Variants in CLCN3 observed in about 807,000 individuals in gnomAD.
The protein encoded by CLCN3 is H(+)/Cl(-) exchange transporter 3.
Under a neutral mutation model 83.4 loss-of-function variants are expected in CLCN3, and 16 were observed. The observed-to-expected ratio is 0.19, with a 90% CI of 0.13 to 0.29. CLCN3 has a LOEUF of 0.29. Among genes scored for constraint, CLCN3 ranks in the 10% least tolerant of loss-of-function variants. CLCN3 has a pLI of 1.00. For synonymous variants in CLCN3, 322 were observed against 346.2 expected, an observed-to-expected ratio of 0.93 and a Z score of 0.78; for missense variants, 544 against 1,006.0, an observed-to-expected ratio of 0.54 and a Z score of 6.21.
intron 11 of CLCN3, among the ~76,000 whole-genome samples, chr4:169,707,849 T>C (rs1333833209): frequency 6.6e-6 from 1 of 152,236 alleles, no homozygotes; most frequent in Non-Finnish European, 1.5e-5. Flanking sequence ...CAGACTTTCC[T>C]GAAAATACTG....
intron 11 of CLCN3, among the ~76,000 whole-genome samples, chr4:169,709,802 A>G (rs1320067100): frequency 1.3e-5 from 2 of 152,158 alleles, no homozygotes; most frequent in Admixed American, 1.3e-4. Context: ...GAAAATTGTA[A>G]TGTTCCTTAT....
chr4:169,630,294 C>T (rs192049163), intron 1 of CLCN3, among the ~76,000 whole-genome samples: 7 of 152,242 alleles, frequency 4.6e-5, no homozygotes, highest in Admixed American at 3.9e-4. Flanking sequence ...ACATTGCCCG[C>T]GCTGGTAGTC....
rs187893955 is a variant in CLCN3, at chr4:169,690,290, C to T, written c.607-240C>T. Among the ~76,000 whole-genome samples the T allele has an allele frequency of 3.4e-4, 52 of 151,968 alleles. 1 individual carries two copies. The highest frequency in any genetic ancestry group is 2.7e-3 in the Admixed American group (41 of 15,284). On this transcript the variant is annotated intron_variant, in intron 5 of 12. Coordinates refer to ENST00000513761, the MANE Select transcript of CLCN3 (RefSeq NM_001829.4). ...CCTCCCGAGTAGCTGGTATTACAGG[C>T]GTGCGCCACCATGCCCAGCTAATTT...
intron 2 of CLCN3, among the ~76,000 whole-genome samples, chr4:169,672,363 C>A (rs1731501176): frequency 1.3e-5 from 2 of 152,068 alleles, no homozygotes; most frequent in African/African-American, 2.4e-5. Context: ...TAGTCTCAAA[C>A]CCCTGGTCTC....
At chr4:169,645,116 A>G (rs1560833261) in intron 2 of CLCN3, among the ~76,000 whole-genome samples, 1 of 152,246 alleles carries the variant, frequency 6.6e-6, no homozygotes, top group Non-Finnish European at 1.5e-5. Flanking sequence ...GGACACGGAT[A>G]TCTTAGTATT....
chr4:169,681,076 G>T (rs558807576), intron 3 of CLCN3, among the ~76,000 whole-genome samples: 22 of 151,852 alleles, frequency 1.4e-4, no homozygotes, highest in African/African-American at 5.3e-4. Context: ...GGGGACCGTC[G>T]CCCATTCTGT....
intron 2 of CLCN3, chr4:169,660,378 T>C: frequency 1.4e-6 from 2 of 1,414,624 alleles, no homozygotes; most frequent in South Asian, 3.2e-5. Flanking sequence ...TCATGGATGC[T>C]TCTTCCGACC....
chr4:169,680,221 G>A lies in CLCN3; in HGVS notation c.318+14G>A. On this transcript the variant is annotated intron_variant, in intron 3 of 12. Coordinates refer to ENST00000513761, the MANE Select transcript of CLCN3 (RefSeq NM_001829.4). Reference sequence around the variant, plus strand: ...AGGCATAGACGGGTAAGTGTTTTTAGTAAAAATTTTTAAAAACATAGTGCA... The same window carrying A: ...AGGCATAGACGGGTAAGTGTTTTTAATAAAAATTTTTAAAAACATAGTGCA... 1 of 1,592,756 alleles carries A rather than the reference G, an allele frequency of 6.3e-7. No homozygotes were observed. The highest frequency in any genetic ancestry group is 8.6e-7 in the Non-Finnish European group (1 of 1,169,574).
intron 1 of CLCN3, among the ~76,000 whole-genome samples, chr4:169,628,089 A>G (rs1045061286): frequency 1.4e-4 from 21 of 152,216 alleles, no homozygotes; most frequent in African/African-American, 5.1e-4. Context: ...TTAGACATCC[A>G]TACACTGTCC....
intron 2 of CLCN3, among the ~76,000 whole-genome samples, chr4:169,678,914 A>G (rs1158771211): frequency 3.9e-5 from 6 of 152,340 alleles, no homozygotes; most frequent in East Asian, 3.9e-4. Flanking sequence ...CCCGTTCTCA[A>G]TGAGCTGTTG....
intron 9 of CLCN3, among the ~76,000 whole-genome samples, chr4:169,703,457 G>A (rs1282589023): frequency 6.6e-6 from 1 of 152,210 alleles, no homozygotes; most frequent in Non-Finnish European, 1.5e-5. Flanking sequence ...ACATAATCTT[G>A]AAGTAAAAGA....
chr4:169,698,401 GTCTC>G lies in CLCN3; in HGVS notation c.1563+675_1563+678del, dbSNP rs111838822. On this transcript the variant is annotated intron_variant, in intron 9 of 12. Transcript: ENST00000513761. ...TGTGTCTCTTGTGCTCACTCCCGCT[GTCTC>G]TCTCTCTTTCTCTCGCTTCCTTTTT... 1.6e-4 allele frequency among the ~76,000 whole-genome samples: 24 copies of G among 152,064 alleles called. No homozygotes were observed. In the East Asian group the frequency reaches 3.7e-3, roughly 23 times the overall value.
intron 3 of CLCN3, among the ~76,000 whole-genome samples, chr4:169,686,460 A>G (rs1333256146): frequency 6.8e-6 from 1 of 148,062 alleles, no homozygotes; most frequent in Non-Finnish European, 1.5e-5. Flanking sequence ...TCTGTCACCC[A>G]GGCTGGAGTG....
At position 169,713,063 on chromosome 4, in the gene CLCN3, TTC is replaced by T. The variant is rs749905644; in HGVS notation, c.2150-8_2150-7del. On this transcript the variant is annotated splice_polypyrimidine_tract_variant and intron_variant, in intron 11 of 12. Coordinates refer to ENST00000513761, the MANE Select transcript of CLCN3 (RefSeq NM_001829.4). ...CTATCAGTTTAAAAGTGTTGGTCTC[TTC>T]TCTCTCTTTTCAGAAAGTGCCAGGA... 3.3e-5 allele frequency: 53 copies of T among 1,605,414 alleles called. No homozygotes were observed. Among genetic ancestry groups the T allele is most frequent in the Non-Finnish European group, 4.1e-5 (48 of 1,172,598 alleles).
chr4:169,679,540 G>A (rs1276502040), intron 2 of CLCN3, among the ~76,000 whole-genome samples: 2 of 152,146 alleles, frequency 1.3e-5, no homozygotes, highest in South Asian at 4.1e-4. Flanking sequence ...CAAGGCAGGC[G>A]GCTGGCAGGT....
chr4:169,663,316 TGTTGTTGTTGTTG>T (rs1273611954), intron 2 of CLCN3, among the ~76,000 whole-genome samples: 1 of 65,362 alleles, frequency 1.5e-5, no homozygotes, highest in African/African-American at 4.2e-5. Context: ...TGGGTTTTTT[TGTTGTTGTTGTTG>T]TTGTTGTTGT....
Position 169,636,086 on chromosome 4 carries a change from T to C in CLCN3, c.158T>C (p.Val53Ala). Residue 53 changes from valine (V) to alanine (A), a missense_variant and splice_region_variant, in exon 2 of 13, where the codon GTT becomes GCT. By Grantham distance (64) the Val-to-Ala change is moderately conservative. Coordinates refer to ENST00000513761, the MANE Select transcript of CLCN3 (RefSeq NM_001829.4). Reference sequence around the variant, plus strand: ...AATTTATTAGATGGTGACACTGCAGTTGGTAAGTTCAGCATGACAGCCTAA... The same window carrying C: ...AATTTATTAGATGGTGACACTGCAGCTGGTAAGTTCAGCATGACAGCCTAA... ...DDNLLDGDTA[V>A]GTHYTMTNGG... 1.2e-6 allele frequency: 2 copies of C among 1,611,386 alleles called. No individual in the cohort carries two copies. The highest frequency in any genetic ancestry group is 1.7e-6 in the Non-Finnish European group (2 of 1,178,664).
chr4:169,692,854 T>C (rs1206926826), intron 7 of CLCN3, among the ~76,000 whole-genome samples: 1 of 152,214 alleles, frequency 6.6e-6, no homozygotes, highest in Non-Finnish European at 1.5e-5. Flanking sequence ...TTTCATTTGA[T>C]TGTTTAAGGC....
At chr4:169,684,877 A>G (rs4692740) in intron 3 of CLCN3, among the ~76,000 whole-genome samples, 70,919 of 151,858 alleles carry the variant, frequency 0.47, 18,281 homozygotes, top group East Asian at 0.76. Flanking sequence ...CAGTACCAAC[A>G]CCATCTCCAA....
Sources: gnomAD v4.1 joint callset for allele counts (sites outside exome capture counted in the v4.1 genomes callset) on GRCh38, gnomAD v4.1.1 for gene constraint, MANE v1.5 for transcripts, NCBI Gene and HGNC (gene_info 2026-07-23, HGNC 2026-07-21) for gene names.